SLC25A13: variants seen among roughly 807,000 people sequenced by gnomAD.
SLC25A13 encodes solute carrier family 25 member 13.
A neutral mutation model predicts 85.5 loss-of-function variants in SLC25A13; 70 were observed. The observed-to-expected ratio is 0.82, with a 90% CI of 0.68 to 1.00. SLC25A13 has a LOEUF of 1.00. Ranked by LOEUF, SLC25A13 falls within the 50% of genes least tolerant of loss-of-function variation. The pLI, the probability that SLC25A13 is intolerant of heterozygous loss-of-function variation, is 0.00. For missense variants in SLC25A13, 765 were observed against 819.8 expected, an observed-to-expected ratio of 0.93 and a Z score of 0.82; for synonymous variants, 259 against 288.7, an observed-to-expected ratio of 0.90 and a Z score of 1.04.
chr7:96,275,864 T>C (rs554234094), intron 3 of SLC25A13, among the ~76,000 whole-genome samples: 1 of 152,294 alleles, frequency 6.6e-6, no homozygotes, highest in Admixed American at 6.5e-5. Flanking sequence ...TGTGCACATG[T>C]ACCCTAAAAC....
intron 11 of SLC25A13, among the ~76,000 whole-genome samples, chr7:96,182,920 TC>T (rs1207818136): frequency 6.6e-6 from 1 of 152,192 alleles, no homozygotes; most frequent in Non-Finnish European, 1.5e-5. Context: ...ACTCGAGATT[TC>T]CCTTCCAAAA....
rs1468042994 is a variant in SLC25A13 at position 96,275,814 on chromosome 7, C to T, written c.212+1382G>A. On this transcript the variant is annotated intron_variant, in intron 3 of 17. Coordinates refer to ENST00000265631, the MANE Select transcript of SLC25A13 (RefSeq NM_014251.3). ...CGACGAGTTGACGGGTGCAGCACAC[C>T]AACATGGCACATGTATACATACGTA... Among the ~76,000 whole-genome samples, 3 of 152,002 alleles carry T rather than the reference C, an allele frequency of 2.0e-5. No individual in the cohort carries two copies. The East Asian group carries it at 5.8e-4, about 29-fold the overall frequency.
intron 4 of SLC25A13, among the ~76,000 whole-genome samples, chr7:96,225,270 T>C (rs1796289751): frequency 6.6e-6 from 1 of 152,086 alleles, no homozygotes; most frequent in Non-Finnish European, 1.5e-5. Flanking sequence ...CAGCCCAGTG[T>C]GCAGTGGCTC....
chr7:96,242,198 C>G (rs919033068), intron 3 of SLC25A13, among the ~76,000 whole-genome samples: 1 of 152,170 alleles, frequency 6.6e-6, no homozygotes. Context: ...AAAGTAAAAT[C>G]TAACTCCAAA....
intron 13 of SLC25A13, among the ~76,000 whole-genome samples, chr7:96,168,128 AAGC>A (rs1793845113): frequency 4.8e-5 from 7 of 145,802 alleles, no homozygotes; most frequent in Admixed American, 2.7e-4. Context: ...AAAAAAAAAA[AAGC>A]ACGTGTGCAC....
intron 11 of SLC25A13, among the ~76,000 whole-genome samples, chr7:96,174,107 A>G (rs996402039): frequency 1.3e-5 from 2 of 152,216 alleles, no homozygotes; most frequent in African/African-American, 2.4e-5. Flanking sequence ...CACATAGCCC[A>G]TGAAAGGCAC....
chr7:96,319,541 A>AT, intron 1 of SLC25A13, among the ~76,000 whole-genome samples: 1 of 23,766 alleles, frequency 4.2e-5, no homozygotes, highest in Non-Finnish European at 9.0e-5. Flanking sequence ...ACTCCATCTC[A>AT]AAAAAAAAAA....
intron 7 of SLC25A13, among the ~76,000 whole-genome samples, chr7:96,190,735 C>T (rs1794816930): frequency 6.6e-6 from 1 of 152,140 alleles, no homozygotes. Context: ...GCCTCAGCCT[C>T]CCAAGTAGCT....
At chr7:96,193,312 C>T (rs944830475) in intron 5 of SLC25A13, 129 bp from the exon 6 acceptor site, 5 of 1,064,350 alleles carry the variant, frequency 4.7e-6, no homozygotes, top group Non-Finnish European at 6.9e-6. Flanking sequence ...CCTCATCTGC[C>T]TAATAGCACC....
intron 4 of SLC25A13, among the ~76,000 whole-genome samples, chr7:96,228,133 G>A (rs994632180): frequency 6.6e-6 from 1 of 152,106 alleles, no homozygotes; most frequent in African/African-American, 2.4e-5. Flanking sequence ...CAAAGTGCTG[G>A]GATTACAGGT....
intron 12 of SLC25A13, 107 bp downstream of exon 12, chr7:96,171,365 C>T (rs937473408): frequency 1.0e-6 from 1 of 981,692 alleles, no homozygotes; most frequent in East Asian, 2.5e-5. Flanking sequence ...TTCAAATTAG[C>T]TAGCACCTCT....
chr7:96,169,941 G>T, intron 13 of SLC25A13, 104 bp downstream of exon 13: 1 of 1,167,642 alleles, frequency 8.6e-7, no homozygotes, highest in East Asian at 2.3e-5. Context: ...CCTTGTGCAG[G>T]ATCTGTGGTT....
Position 96,247,358 on chromosome 7 carries a change from GA to G in SLC25A13, c.213-12442del, listed in dbSNP as rs202219259. ...TTTCTGTATTTAAGACCATAAAAAA[GA>G]AAAAAAAAGTGCCCATGTGTTGATT... On this transcript the variant is annotated intron_variant, in intron 3 of 17. Transcript: ENST00000265631. 2.2e-4 allele frequency among the ~76,000 whole-genome samples: 33 copies of G among 150,396 alleles called. 1 individual carries two copies. The highest frequency in any genetic ancestry group is 8.6e-4 in the Admixed American group (13 of 15,126).
At chr7:96,131,683 G>A (rs1235924857) in intron 15 of SLC25A13, 60 bp downstream of exon 15, 122 of 1,610,364 alleles carry the variant, frequency 7.6e-5, no homozygotes, top group Non-Finnish European at 1.0e-4. Context: ...GTAGCATGCA[G>A]CTAGGGAAGG....
chr7:96,209,535 G>A (rs527814451), intron 4 of SLC25A13, among the ~76,000 whole-genome samples: 2 of 152,144 alleles, frequency 1.3e-5, no homozygotes, highest in East Asian at 1.9e-4. Flanking sequence ...CGAGCTGCAC[G>A]TGAAGACAAA....
At chr7:96,299,732 T>C (rs1799484248) in intron 1 of SLC25A13, among the ~76,000 whole-genome samples, 1 of 152,204 alleles carries the variant, frequency 6.6e-6, no homozygotes, top group South Asian at 2.1e-4. Flanking sequence ...GTTAAGTGAT[T>C]TCATCATTGT....
At chr7:96,184,508 C>T in intron 10 of SLC25A13, 73 bp from the exon 11 acceptor site, 1 of 1,429,894 alleles carries the variant, frequency 7.0e-7, no homozygotes, top group Non-Finnish European at 9.8e-7. Context: ...TAGTTAAAGT[C>T]AAGGACAAGA....
At chr7:96,263,942 C>A (rs535683377) in intron 3 of SLC25A13, among the ~76,000 whole-genome samples, 1 of 152,140 alleles carries the variant, frequency 6.6e-6, no homozygotes, top group Non-Finnish European at 1.5e-5. Flanking sequence ...CCCAATTGAT[C>A]AACAACCTTC....
intron 4 of SLC25A13, among the ~76,000 whole-genome samples, chr7:96,226,086 C>T (rs971370192): frequency 3.3e-5 from 5 of 151,950 alleles, no homozygotes; most frequent in African/African-American, 1.2e-4. Flanking sequence ...AAAATAATAT[C>T]GTTAACTATC....
Sources: gnomAD v4.1 joint callset for allele counts (sites outside exome capture counted in the v4.1 genomes callset) on GRCh38, gnomAD v4.1.1 for gene constraint, MANE v1.5 for transcripts, NCBI Gene and HGNC (gene_info 2026-07-23, HGNC 2026-07-21) for gene names.